Variants in BAZ2B observed in about 807,000 individuals in gnomAD.
The protein encoded by BAZ2B is bromodomain adjacent to zinc finger domain protein 2B.
BAZ2B carries 91 observed loss-of-function variants against 246.0 expected under a neutral mutation model. The observed-to-expected ratio is 0.37, with a 90% CI of 0.31 to 0.44. The LOEUF (loss-of-function observed/expected upper bound fraction) is 0.44. Among genes scored for constraint, BAZ2B ranks in the 20% least tolerant of loss-of-function variants. The probability of loss-of-function intolerance (pLI) is 1.00; values close to 1 mark genes in which losing one functional copy is unlikely to be tolerated. For synonymous variants in BAZ2B, 855 were observed against 860.0 expected (o/e 0.99, Z 0.10); for missense variants, 2,332 against 2,533.7 (o/e 0.92, Z 1.71).
chr2:159,621,569 C>A (rs778895737), upstream of BAZ2B, among the ~76,000 whole-genome samples: 2 of 152,066 alleles, frequency 1.3e-5, no homozygotes, highest in Admixed American at 6.5e-5. Context: ...GAATAAAAAA[C>A]CAATAAAACA....
At chr2:159,317,768 T>A (rs1324264884), downstream of BAZ2B, among the ~76,000 whole-genome samples, 2 of 152,028 alleles carry the variant, frequency 1.3e-5, no homozygotes, top group Admixed American at 6.6e-5. Flanking sequence ...TTTTTTTTTT[T>A]AATTTGAGGA....
chr2:159,437,017 A>G (rs1286447559), intron 8 of BAZ2B, among the ~76,000 whole-genome samples: 2 of 152,198 alleles, frequency 1.3e-5, no homozygotes, highest in Non-Finnish European at 2.9e-5. Flanking sequence ...GTAAATGTCT[A>G]ATTTTATCAT....
At chr2:159,355,966 C>T (rs189722544) in intron 27 of BAZ2B, among the ~76,000 whole-genome samples, 24 of 152,334 alleles carry the variant, frequency 1.6e-4, no homozygotes, top group East Asian at 1.3e-3. Context: ...CCAGATACTA[C>T]GCTTTTCCCA....
At chr2:159,549,876 T>C (rs1029135626) in intron 2 of BAZ2B, among the ~76,000 whole-genome samples, 1 of 148,604 alleles carries the variant, frequency 6.7e-6, no homozygotes, top group African/African-American at 2.5e-5. Context: ...CAGGCTGGAG[T>C]GCAGTGGTGC....
chr2:159,702,143 C>A, the BAZ2B span, among the ~76,000 whole-genome samples: 1 of 152,252 alleles, frequency 6.6e-6, no homozygotes, highest in Non-Finnish European at 1.5e-5. Flanking sequence ...GTTCTGCTAA[C>A]AAAAACCAAA....
intron 1 of BAZ2B, among the ~76,000 whole-genome samples, chr2:159,568,669 G>A (rs1355521811): frequency 6.6e-6 from 1 of 152,084 alleles, no homozygotes; most frequent in East Asian, 1.9e-4. Context: ...GAATTACTCT[G>A]GACTGAACGG....
intron 2 of BAZ2B, among the ~76,000 whole-genome samples, chr2:159,547,724 G>T (rs1301377290): frequency 1.3e-5 from 2 of 151,986 alleles, no homozygotes; most frequent in Non-Finnish European, 2.9e-5. Flanking sequence ...GCAGAAAACT[G>T]GTTTTTATTT....
At chr2:159,331,494 A>G (rs1016083025) in intron 34 of BAZ2B, among the ~76,000 whole-genome samples, 13 of 152,130 alleles carry the variant, frequency 8.5e-5, no homozygotes, top group African/African-American at 2.7e-4. Context: ...GAGCCCCCCA[A>G]ATAGTTGGGA....
rs140823840 is a variant in BAZ2B at position 159,348,116 on chromosome 2, C to T, written c.5294-470G>A. Among the ~76,000 whole-genome samples, 493 of 151,452 alleles carry T rather than the reference C, an allele frequency of 3.3e-3. 8 individuals are homozygous for T. Among genetic ancestry groups the T allele is most frequent in the African/African-American group, 0.011 (470 of 41,282 alleles). ...AGAGGATCACTTGAGGCCAGGAGTTCGAGACCAGCCTGGGCAACATAGTGA... is the reference window on the plus strand; with the variant it reads ...AGAGGATCACTTGAGGCCAGGAGTTTGAGACCAGCCTGGGCAACATAGTGA... On this transcript the variant is annotated intron_variant, in intron 30 of 36. Transcript: ENST00000392783.
intron 20 of BAZ2B, 21 bp from the exon 21 acceptor site, chr2:159,389,506 C>A: frequency 6.4e-7 from 1 of 1,559,404 alleles, no homozygotes; most frequent in Non-Finnish European, 8.7e-7. Context: ...AAACCATGTA[C>A]ACATATTCTT....
At chr2:159,401,461 T>C (rs1482784886) in intron 16 of BAZ2B, among the ~76,000 whole-genome samples, 2 of 152,204 alleles carry the variant, frequency 1.3e-5, no homozygotes, top group Non-Finnish European at 2.9e-5. Context: ...TTAAAAAGTA[T>C]ATAGTGACAC....
At chr2:159,559,232 A>T (rs2089568649) in intron 1 of BAZ2B, among the ~76,000 whole-genome samples, 1 of 151,132 alleles carries the variant, frequency 6.6e-6, no homozygotes, top group Non-Finnish European at 1.5e-5. Flanking sequence ...GTGAAGGAGT[A>T]ACCCTGTTAA....
intron 2 of BAZ2B, among the ~76,000 whole-genome samples, chr2:159,498,231 A>G (rs556456367): frequency 6.6e-6 from 1 of 152,338 alleles, no homozygotes; most frequent in South Asian, 2.1e-4. Context: ...GAGAATACAA[A>G]GAAGAAAATA....
intron 2 of BAZ2B, among the ~76,000 whole-genome samples, chr2:159,528,728 G>A (rs1291088335): frequency 6.6e-6 from 1 of 150,776 alleles, no homozygotes; most frequent in Non-Finnish European, 1.5e-5. Context: ...AACAGCAATC[G>A]ATTGTAGAAA....
intron 31 of BAZ2B, among the ~76,000 whole-genome samples, chr2:159,341,119 T>G (rs1475985158): frequency 6.6e-6 from 1 of 152,048 alleles, no homozygotes; most frequent in Admixed American, 6.6e-5. Context: ...ATGCTGCCTA[T>G]AAGAAACTCC....
intron 1 of BAZ2B, among the ~76,000 whole-genome samples, chr2:159,609,102 C>A (rs938120422): frequency 6.6e-6 from 1 of 152,188 alleles, no homozygotes; most frequent in Non-Finnish European, 1.5e-5. Flanking sequence ...TTTCTCCTCC[C>A]ACCCTTCTCA....
rs752345866 is a variant in BAZ2B, at chr2:159,431,002, A to G, written c.2055T>C (p.Ser685=). Residue 685 remains serine (S), a synonymous_variant, in exon 10 of 37, where the codon AGT becomes AGC. Coordinates refer to ENST00000392783, the MANE Select transcript of BAZ2B (RefSeq NM_013450.4). ...TACGAGGTGTTGAGTGACCTGTGAG[A>G]CTCATGGAAGGGCTTTTGACAGAGG... is the stretch of plus-strand genomic sequence containing the variant. ...TTSSVKSPSM[S]LTGHSTPRNL... 3 of 1,613,800 alleles carry G rather than the reference A, an allele frequency of 1.9e-6. No individual in the cohort carries two copies. The Admixed American group carries it at 5.0e-5, about 27-fold the overall frequency.
chr2:159,691,626 C>T, the BAZ2B span, among the ~76,000 whole-genome samples: 13 of 152,144 alleles, frequency 8.5e-5, no homozygotes, highest in Admixed American at 5.2e-4. Context: ...TCAAGCAATT[C>T]GACTTCTTAT....
Position 159,447,922 on chromosome 2 carries a change from G to C in BAZ2B, c.502+320C>G, listed in dbSNP as rs181331721. Reference sequence around the variant, plus strand: ...GAGGCCAGAAGGTGGCCAGAAGTTTGAGACTGCTGGAAACACAGAGACCCT... The same window carrying C: ...GAGGCCAGAAGGTGGCCAGAAGTTTCAGACTGCTGGAAACACAGAGACCCT... On this transcript the variant is annotated intron_variant, in intron 5 of 36. Transcript: ENST00000392783. Among the ~76,000 whole-genome samples, 124 of 152,176 alleles carry C rather than the reference G, an allele frequency of 8.1e-4. 2 individuals carry two copies. Among genetic ancestry groups the C allele is most frequent in the Admixed American group, 8.1e-3 (123 of 15,264 alleles).
Sources: gnomAD v4.1 joint callset for allele counts (sites outside exome capture counted in the v4.1 genomes callset) on GRCh38, gnomAD v4.1.1 for gene constraint, MANE v1.5 for transcripts, NCBI Gene and HGNC (gene_info 2026-07-23, HGNC 2026-07-21) for gene names.